The following EYS variants were observed in gnomAD, a reference collection of about 807,000 sequenced individuals.
The protein encoded by EYS is protein eyes shut homolog.
EYS carries 250 observed loss-of-function variants against 282.1 expected under a neutral mutation model. That is an observed-to-expected ratio of 0.89 (90% CI 0.80 to 0.98). The LOEUF is 0.98. Among genes scored for constraint, EYS ranks in the 50% least tolerant of loss-of-function variants. The pLI is 0.00. For synonymous variants in EYS, 1,355 were observed against 1,282.9 expected (o/e 1.06, Z -1.20); for missense variants, 4,016 against 3,709.0 (o/e 1.08, Z -2.15).
At chr6:64,369,095 G>A (rs1582660715) in intron 29 of EYS, among the ~76,000 whole-genome samples, 1 of 152,106 alleles carries the variant, frequency 6.6e-6, no homozygotes, top group East Asian at 1.9e-4. Flanking sequence ...TATAAGGAAA[G>A]GGTCTAGTTC....
chr6:64,648,773 T>C (rs1330530642), intron 22 of EYS, among the ~76,000 whole-genome samples: 1 of 152,182 alleles, frequency 6.6e-6, no homozygotes, highest in East Asian at 1.9e-4. Flanking sequence ...GGGGGAAAAG[T>C]AGAAATGGAG....
chr6:64,905,507 C>T (rs181695535), intron 16 of EYS, among the ~76,000 whole-genome samples: 1 of 152,126 alleles, frequency 6.6e-6, no homozygotes, highest in Non-Finnish European at 1.5e-5. Flanking sequence ...CTTACACTGT[C>T]TCGTCTGTGT....
At chr6:64,686,989 G>C (rs577864186) in intron 22 of EYS, among the ~76,000 whole-genome samples, 2 of 145,258 alleles carry the variant, frequency 1.4e-5, no homozygotes, top group Non-Finnish European at 3.0e-5. Flanking sequence ...TAGAAAAACT[G>C]GATAAAATAA....
chr6:65,313,487 A>T (rs151300092), intron 11 of EYS, among the ~76,000 whole-genome samples: 1 of 151,288 alleles, frequency 6.6e-6, no homozygotes, highest in Non-Finnish European at 1.5e-5. Context: ...CTTGCCTCCA[A>T]ATACGGTCTT....
intron 26 of EYS, among the ~76,000 whole-genome samples, chr6:64,519,371 A>T (rs1339817403): frequency 1.3e-5 from 2 of 151,854 alleles, no homozygotes; most frequent in African/African-American, 4.8e-5. Flanking sequence ...TAAGTCTTTG[A>T]TATAGAGATT....
At chr6:65,475,903 T>C (rs1468805937) in intron 5 of EYS, among the ~76,000 whole-genome samples, 7 of 152,028 alleles carry the variant, frequency 4.6e-5, no homozygotes, top group Non-Finnish European at 1.0e-4. Context: ...TAAGGAATAT[T>C]ACAGAACCGA....
chr6:64,940,177 A>G (rs951508376), intron 15 of EYS, among the ~76,000 whole-genome samples: 2 of 152,018 alleles, frequency 1.3e-5, no homozygotes, highest in African/African-American at 2.4e-5. Flanking sequence ...TCAAGTCGGT[A>G]AGTCCTTTCT....
intron 22 of EYS, among the ~76,000 whole-genome samples, chr6:64,803,254 C>T (rs1764315079): frequency 1.3e-5 from 2 of 151,920 alleles, no homozygotes; most frequent in Admixed American, 1.3e-4. Flanking sequence ...GGAGTGGGTA[C>T]CTCCTTTTCA....
chr6:65,337,272 CA>C (rs1171626256), intron 10 of EYS, among the ~76,000 whole-genome samples: 4 of 151,388 alleles, frequency 2.6e-5, no homozygotes, highest in African/African-American at 9.7e-5. Flanking sequence ...ACACTTGCCC[CA>C]AGTCTAAAAT....
At chr6:64,988,439 A>G (rs966550376) in intron 14 of EYS, among the ~76,000 whole-genome samples, 6 of 151,488 alleles carry the variant, frequency 4.0e-5, no homozygotes, top group Non-Finnish European at 1.5e-5. Context: ...ATGAGTATAG[A>G]CTCTGTGAGT....
chr6:65,266,381 A>G (rs1375415605), intron 12 of EYS, among the ~76,000 whole-genome samples: 1 of 151,910 alleles, frequency 6.6e-6, no homozygotes, highest in Admixed American at 6.6e-5. Flanking sequence ...CTATAAATCT[A>G]TGAAGGCGGA....
chr6:65,136,064 G>A (rs1054445264), intron 12 of EYS, among the ~76,000 whole-genome samples: 2 of 151,818 alleles, frequency 1.3e-5, no homozygotes, highest in Non-Finnish European at 2.9e-5. Flanking sequence ...ATCAATATCA[G>A]AATTAAATAA....
At chr6:64,697,195 G>A (rs1770610242) in intron 22 of EYS, among the ~76,000 whole-genome samples, 1 of 152,064 alleles carries the variant, frequency 6.6e-6, no homozygotes, top group South Asian at 2.1e-4. Context: ...TTTATAAATT[G>A]AAGGTAGAGC....
chr6:64,398,486 T>C (rs528945192), intron 28 of EYS, among the ~76,000 whole-genome samples: 7 of 150,414 alleles, frequency 4.7e-5, no homozygotes, highest in Admixed American at 2.0e-4. Flanking sequence ...GTTCTTGATA[T>C]GTGAATATTG....
At chr6:64,522,075 G>C (rs1336405481) in intron 26 of EYS, among the ~76,000 whole-genome samples, 1 of 151,762 alleles carries the variant, frequency 6.6e-6, no homozygotes, top group Non-Finnish European at 1.5e-5. Context: ...TCTAAAGGAA[G>C]ACTTTAAGAA....
intron 16 of EYS, among the ~76,000 whole-genome samples, chr6:64,903,676 T>G (rs1387809635): frequency 6.6e-6 from 1 of 152,268 alleles, no homozygotes; most frequent in South Asian, 2.1e-4. Context: ...GCACCTACTG[T>G]TCAATGAAAA....
chr6:64,369,791 A>G (rs1772299229), intron 29 of EYS, among the ~76,000 whole-genome samples: 2 of 152,010 alleles, frequency 1.3e-5, no homozygotes, highest in Admixed American at 1.3e-4. Context: ...TTTTGTGGCT[A>G]TTGTGAATGG....
intron 19 of EYS, among the ~76,000 whole-genome samples, chr6:64,870,279 A>T (rs1411607915): frequency 6.6e-6 from 1 of 151,744 alleles, no homozygotes; most frequent in African/African-American, 2.4e-5. Context: ...TGCATATTAG[A>T]AAGTGATTGT....
At chr6:64,024,423 G>A (rs754172492) in intron 33 of EYS, among the ~76,000 whole-genome samples, 5 of 152,218 alleles carry the variant, frequency 3.3e-5, no homozygotes, top group South Asian at 2.1e-4. Context: ...GATTGTAAAC[G>A]CACCAATCAG....
Sources: allele counts gnomAD v4.1 joint callset (sites outside exome capture counted in the v4.1 genomes callset), GRCh38; gene constraint gnomAD v4.1.1; transcripts MANE v1.5; gene names NCBI Gene and HGNC (gene_info 2026-07-23, HGNC 2026-07-21).